The following TRPC4 variants were observed in gnomAD, a reference collection of about 807,000 sequenced individuals.
TRPC4 encodes the protein short transient receptor potential channel 4.
In TRPC4, 49 loss-of-function variants were observed where a neutral mutation model predicts 99.4. The ratio of observed to expected loss-of-function variants is 0.49; its 90% CI spans 0.39 to 0.63. The LOEUF is 0.63. Ranked by LOEUF, TRPC4 falls within the 20% of genes least tolerant of loss-of-function variation. TRPC4 has a pLI of 0.00. For missense variants in TRPC4, 898 were observed against 1,152.9 expected (o/e 0.78, Z 3.20); for synonymous variants, 454 against 425.9 (o/e 1.07, Z -0.81).
At chr13:37,845,688 TA>T (rs1209449926) in intron 1 of TRPC4, among the ~76,000 whole-genome samples, 1 of 151,894 alleles carries the variant, frequency 6.6e-6, no homozygotes, top group Non-Finnish European at 1.5e-5. Flanking sequence ...TAAAGCAAAC[TA>T]ACTTTTGCAT....
At chr13:37,651,959 T>C (rs924421720) in intron 7 of TRPC4, among the ~76,000 whole-genome samples, 2 of 152,242 alleles carry the variant, frequency 1.3e-5, no homozygotes, top group Non-Finnish European at 2.9e-5. Flanking sequence ...CTTCGGCCAA[T>C]AGAGATAAAC....
At chr13:37,780,904 C>A (rs985697987) in intron 2 of TRPC4, among the ~76,000 whole-genome samples, 1 of 152,042 alleles carries the variant, frequency 6.6e-6, no homozygotes, top group Admixed American at 6.6e-5. Context: ...AAAAGGAATT[C>A]TTGGCCAGCA....
intron 1 of TRPC4, among the ~76,000 whole-genome samples, chr13:37,809,675 A>G (rs1157612569): frequency 6.6e-6 from 1 of 152,068 alleles, no homozygotes; most frequent in Non-Finnish European, 1.5e-5. Flanking sequence ...AGGTAACAAA[A>G]GGTAAGTACA....
At chr13:37,797,503 C>G (rs1346678459) in intron 1 of TRPC4, among the ~76,000 whole-genome samples, 1 of 152,082 alleles carries the variant, frequency 6.6e-6, no homozygotes, top group Non-Finnish European at 1.5e-5. Flanking sequence ...ATTTAACATC[C>G]TGAAAACAGT....
In TRPC4 at chr13:37,692,418, A is replaced by T. The variant is rs560336621; in HGVS notation, c.898-83T>A. The T allele has an allele frequency of 2.0e-5, 24 of 1,184,492 alleles. No homozygotes were observed. The African/African-American group carries it at 2.9e-4, about 14-fold the overall frequency. The allele number at this position is 1,184,492 out of a possible 1,614,324, so 73.4% of individuals were successfully genotyped here. A position where few individuals can be genotyped will look rare whatever the true frequency, so the allele number is the denominator to read the frequency against. Reference sequence around the variant, plus strand: ...ATTCATCAATAAGAACACAATTGTGATCTTTAAAGACAGAAATTCTGTTTC... The same window carrying T: ...ATTCATCAATAAGAACACAATTGTGTTCTTTAAAGACAGAAATTCTGTTTC... On this transcript the variant is annotated intron_variant, in intron 3 of 10. Transcript: ENST00000379705.
rs555606878 is a variant in TRPC4 at position 37,637,124 on chromosome 13, G to T, written c.2713C>A (p.Gln905Lys). ...GDLSIPGLSE[Q>K]CVLVDHRERN... The stretch of plus-strand genomic sequence containing the variant: ...TCTCTATGGTCTACTAACACACATT[G>T]TTCACTGAGACCGGGAATGCTCAGG... Residue 905 changes from glutamine to lysine, a missense_variant, in exon 11 of 11, where the codon CAA (glutamine) becomes AAA (lysine). Coordinates refer to ENST00000379705, the MANE Select transcript of TRPC4 (RefSeq NM_016179.4). The T allele has an allele frequency of 6.2e-7, 1 of 1,613,690 alleles. No individual in the cohort carries two copies. The highest frequency in any genetic ancestry group is 2.2e-5 in the East Asian group (1 of 44,872).
intron 3 of TRPC4, among the ~76,000 whole-genome samples, chr13:37,705,335 G>A (rs1041435719): frequency 4.6e-5 from 7 of 152,036 alleles, no homozygotes; most frequent in African/African-American, 1.7e-4. Context: ...GTCAAAGGGC[G>A]CATCATTTCA....
intron 5 of TRPC4, among the ~76,000 whole-genome samples, chr13:37,673,079 G>C (rs7321114): frequency 1.4e-5 from 2 of 142,088 alleles, no homozygotes; most frequent in South Asian, 2.4e-4. Context: ...ATATCTCCTA[G>C]TGCTATCCCT....
At chr13:37,694,269 C>T (rs922461383) in intron 3 of TRPC4, among the ~76,000 whole-genome samples, 1 of 152,116 alleles carries the variant, frequency 6.6e-6, no homozygotes, top group African/African-American at 2.4e-5. Flanking sequence ...ATATAACAAG[C>T]AGTTGCCATC....
In TRPC4 at chr13:37,636,662, G is replaced by A. The variant is rs1951526991; in HGVS notation, c.*241C>T. The A allele has an allele frequency of 2.5e-6, 1 of 396,764 alleles. No individual in the cohort carries two copies. The highest frequency in any genetic ancestry group is 4.1e-5 in the East Asian group (1 of 24,320). 24.6% of individuals were successfully genotyped at this position (396,764 alleles called of 1,614,324 possible). A position where few individuals can be genotyped will look rare whatever the true frequency, so the allele number is the denominator to read the frequency against. On this transcript the variant is annotated 3_prime_UTR_variant, in exon 11 of 11. Transcript: ENST00000379705. ...TATTGCAACAGTACAAGAATACAAG[G>A]TGCATTTATTTATTAACAAAAACAA...
intron 8 of TRPC4, among the ~76,000 whole-genome samples, chr13:37,647,701 T>G (rs1471012455): frequency 5.9e-5 from 9 of 152,360 alleles, no homozygotes; most frequent in Non-Finnish European, 1.3e-4. Context: ...TAATGGTATA[T>G]TCTAAGCCAT....
chr13:37,671,777 T>C (rs934364631), intron 5 of TRPC4, among the ~76,000 whole-genome samples: 1 of 152,124 alleles, frequency 6.6e-6, no homozygotes. Context: ...GCACCAAAAA[T>C]GTGACTCCAC....
chr13:37,809,260 A>C (rs1315798639), intron 1 of TRPC4, among the ~76,000 whole-genome samples: 3 of 152,054 alleles, frequency 2.0e-5, no homozygotes, highest in African/African-American at 7.2e-5. Context: ...AAATTAGAAT[A>C]AGCAAAATAA....
intron 3 of TRPC4, among the ~76,000 whole-genome samples, chr13:37,717,474 T>G (rs189074509): frequency 3.2e-4 from 49 of 152,270 alleles, no homozygotes; most frequent in African/African-American, 1.0e-3. Flanking sequence ...GTGGTGTGGC[T>G]GAAACATTTC....
chr13:37,695,573 T>C (rs1409060529), intron 3 of TRPC4, among the ~76,000 whole-genome samples: 1 of 152,246 alleles, frequency 6.6e-6, no homozygotes, highest in Non-Finnish European at 1.5e-5. Context: ...TGGCCAATTC[T>C]AGCACAACTC....
intron 1 of TRPC4, among the ~76,000 whole-genome samples, chr13:37,836,970 T>C (rs1333003296): frequency 6.6e-6 from 1 of 152,148 alleles, no homozygotes; most frequent in Non-Finnish European, 1.5e-5. Context: ...GTGACTTTAG[T>C]TCCAGCCACT....
In TRPC4 at chr13:37,651,327, TC is replaced by T; in HGVS notation, c.2016del (p.Trp672Ter). 1 of 1,614,128 alleles carries T rather than the reference TC, an allele frequency of 6.2e-7. No homozygotes were observed. The highest frequency in any genetic ancestry group is 8.5e-7 in the Non-Finnish European group (1 of 1,179,996). ...SPKSLWYLIK[W>X]IWTHLCKKKM... is the part of the protein sequence containing the mutation. Reference sequence around the variant, plus strand: ...TTTTTCTTGCACAAGTGTGTCCAGATCCATTTGATCAGGTACCAGAGAGACT... The same window carrying T: ...TTTTTCTTGCACAAGTGTGTCCAGATCATTTGATCAGGTACCAGAGAGACT... On this transcript the variant is annotated frameshift_variant, in exon 8 of 11. Coordinates refer to ENST00000379705, the MANE Select transcript of TRPC4 (RefSeq NM_016179.4). LOFTEE classifies it high-confidence loss of function.
At chr13:37,765,962 A>G (rs1956353303) in intron 2 of TRPC4, among the ~76,000 whole-genome samples, 1 of 142,186 alleles carries the variant, frequency 7.0e-6, no homozygotes, top group African/African-American at 2.5e-5. Context: ...TTAAAACCAC[A>G]CCAAGATGAA....
intron 1 of TRPC4, among the ~76,000 whole-genome samples, chr13:37,847,575 A>C (rs192359308): frequency 6.6e-6 from 1 of 152,148 alleles, no homozygotes; most frequent in African/African-American, 2.4e-5. Context: ...AATTTCCCTA[A>C]TTTGATCATT....
Sources: gnomAD v4.1 joint callset for allele counts (sites outside exome capture counted in the v4.1 genomes callset) on GRCh38, gnomAD v4.1.1 for gene constraint, MANE v1.5 for transcripts, NCBI Gene and HGNC (gene_info 2026-07-23, HGNC 2026-07-21) for gene names.